The following MYRFL variants were observed in gnomAD, a reference collection of about 807,000 sequenced individuals.
MYRFL encodes the protein myelin regulatory factor like, also known as myelin regulatory factor-like protein.
A neutral mutation model predicts 109.4 loss-of-function variants in MYRFL; 88 were observed. That is an observed-to-expected ratio of 0.80 (90% CI 0.68 to 0.96). MYRFL has a LOEUF of 0.96. Ranked by LOEUF, MYRFL falls within the 40% of genes least tolerant of loss-of-function variation. The probability of loss-of-function intolerance (pLI) is 0.00; values close to 1 mark genes in which losing one functional copy is unlikely to be tolerated. For missense variants in MYRFL, 957 were observed against 954.9 expected, an observed-to-expected ratio of 1.00 and a Z score of -0.03; for synonymous variants, 324 against 320.9, an observed-to-expected ratio of 1.01 and a Z score of -0.10.
chr12:69,958,655 T>C lies in MYRFL; in HGVS notation c.*124T>C. Reference sequence around the variant, plus strand: ...ACATTTACGTTTATTGCTGAAGGACTTTTTCAGGCTTTAGCTTCCAACAGT... The same window carrying C: ...ACATTTACGTTTATTGCTGAAGGACCTTTTCAGGCTTTAGCTTCCAACAGT... On this transcript the variant is annotated 3_prime_UTR_variant, in exon 25 of 25. Transcript: ENST00000552032. 2.9e-6 allele frequency: 2 copies of C among 686,088 alleles called. No homozygotes were observed. The highest frequency in any genetic ancestry group is 5.6e-5 in the East Asian group (2 of 35,818). The allele number at this position is 686,088 out of a possible 1,614,324, so 42.5% of individuals were successfully genotyped here.
chr12:69,827,650 T>C (rs1005911392), intron 1 of MYRFL, among the ~76,000 whole-genome samples: 2 of 152,070 alleles, frequency 1.3e-5, no homozygotes, highest in African/African-American at 4.8e-5. Flanking sequence ...TAAAAATTGG[T>C]TACAACCTAA....
chr12:69,874,233 C>G (rs1470079483), intron 2 of MYRFL, among the ~76,000 whole-genome samples: 3 of 152,168 alleles, frequency 2.0e-5, no homozygotes, highest in Non-Finnish European at 4.4e-5. Context: ...GGCTAGGGAG[C>G]AGTGGCAACT....
At chr12:69,891,600 T>TTCTTTCTTTCTTTCCTCCTTC (rs3050183) in intron 7 of MYRFL, among the ~76,000 whole-genome samples, 65 of 134,790 alleles carry the variant, frequency 4.8e-4, no homozygotes, top group South Asian at 1.2e-3. Flanking sequence ...TTTCTTTCTT[T>TTCTTTCTTTCTTTCCTCCTTC]CTTTCTCTTT....
At chr12:69,861,275 G>C (rs1004700525) in intron 2 of MYRFL, among the ~76,000 whole-genome samples, 3 of 152,006 alleles carry the variant, frequency 2.0e-5, no homozygotes, top group African/African-American at 4.8e-5. Flanking sequence ...TAATGGGATG[G>C]CTGGGTCAAA....
At chr12:69,902,143 C>T (rs1022431064) in intron 10 of MYRFL, among the ~76,000 whole-genome samples, 43 of 152,106 alleles carry the variant, frequency 2.8e-4, no homozygotes, top group Non-Finnish European at 1.2e-4. Context: ...ATCCACACAC[C>T]TCAGCCTCCC....
intron 20 of MYRFL, 156 bp downstream of exon 20, chr12:69,952,331 C>G (rs1231991754): frequency 1.5e-6 from 1 of 657,692 alleles, no homozygotes; most frequent in Non-Finnish European, 2.7e-6. Context: ...CGATGCCACC[C>G]TAACCACTAA....
intron 1 of MYRFL, among the ~76,000 whole-genome samples, chr12:69,841,678 C>A (rs1016281450): frequency 2.0e-5 from 3 of 152,158 alleles, no homozygotes; most frequent in African/African-American, 4.8e-5. Flanking sequence ...GCCTTGTTGA[C>A]CCCCGCTCTT....
chr12:69,861,016 C>T (rs982147359), intron 2 of MYRFL, among the ~76,000 whole-genome samples: 3 of 148,016 alleles, frequency 2.0e-5, no homozygotes, highest in African/African-American at 5.0e-5. Flanking sequence ...TTTGTTCTTG[C>T]GATAGTTTAC....
intron 16 of MYRFL, among the ~76,000 whole-genome samples, chr12:69,934,815 C>T (rs1181181811): frequency 1.3e-5 from 2 of 152,112 alleles, no homozygotes; most frequent in Non-Finnish European, 2.9e-5. Flanking sequence ...AGGGGCACGG[C>T]AGGCCATAGG....
intron 1 of MYRFL, among the ~76,000 whole-genome samples, chr12:69,844,920 A>T (rs563252022): frequency 6.6e-6 from 1 of 152,210 alleles, no homozygotes; most frequent in East Asian, 1.9e-4. Flanking sequence ...TCGAAAACAT[A>T]AAGTATATGA....
intron 1 of MYRFL, among the ~76,000 whole-genome samples, chr12:69,842,608 C>T (rs1360508230): frequency 1.3e-5 from 2 of 152,132 alleles, no homozygotes; most frequent in East Asian, 3.9e-4. Context: ...ATGGTGTGGC[C>T]CTCAGTCTCT....
chr12:69,871,850 A>G (rs946221611), intron 2 of MYRFL, among the ~76,000 whole-genome samples: 1 of 152,210 alleles, frequency 6.6e-6, no homozygotes, highest in East Asian at 1.9e-4. Flanking sequence ...AAGAGCTGAA[A>G]ATTTTTCTCA....
At chr12:69,919,342 C>A (rs1357561511) in intron 13 of MYRFL, among the ~76,000 whole-genome samples, 1 of 152,158 alleles carries the variant, frequency 6.6e-6, no homozygotes, top group Non-Finnish European at 1.5e-5. Flanking sequence ...CAGAAAATTG[C>A]ACTTAAATGA....
At chr12:69,909,885 G>A (rs1180203557) in intron 11 of MYRFL, 84 bp from the exon 12 acceptor site, 2 of 929,738 alleles carry the variant, frequency 2.2e-6, no homozygotes, top group Admixed American at 3.3e-5. Context: ...AAGCAATTCA[G>A]TGATGTCTCT....
chr12:69,841,636 G>A (rs1023079376), intron 1 of MYRFL, among the ~76,000 whole-genome samples: 10 of 152,146 alleles, frequency 6.6e-5, no homozygotes, highest in African/African-American at 2.4e-4. Context: ...CAGCATTCAA[G>A]GCCCTAGGAT....
chr12:69,855,349 A>C lies in MYRFL; in HGVS notation c.116A>C (p.Asn39Thr), dbSNP rs1259083208. The change falls in exon 2 of 25, where the codon AAT (asparagine) becomes ACT (threonine). Residue 39 changes from asparagine to threonine, a missense_variant. Physicochemically the swap from Asn to Thr is moderately conservative, Grantham distance 65 (BLOSUM62 0). Transcript: ENST00000552032. Reference protein sequence around the residue: ...DTSLLEEFLGNDFDLGALQRQ... With the variant: ...DTSLLEEFLGTDFDLGALQRQ... ...AGTCTGTTGGAGGAATTTCTGGGCA[A>C]TGACTTTGATTTGGGGGCCTTGTAA... is the stretch of plus-strand genomic sequence containing the variant. 1.4e-6 allele frequency: 1 copy of C among 702,580 alleles called. No individual in the cohort carries two copies. Among genetic ancestry groups the C allele is most frequent in the African/African-American group, 1.7e-5 (1 of 57,244 alleles). 43.5% of individuals were successfully genotyped at this position (702,580 alleles called of 1,614,324 possible). A position where few individuals can be genotyped will look rare whatever the true frequency, so the allele number is the denominator to read the frequency against.
intron 10 of MYRFL, among the ~76,000 whole-genome samples, chr12:69,902,104 G>T (rs1954214926): frequency 6.6e-6 from 1 of 151,946 alleles, no homozygotes; most frequent in South Asian, 2.1e-4. Flanking sequence ...ATGTTGGCCA[G>T]GCTGGTCTTG....
chr12:69,901,132 T>C (rs1954169035), intron 10 of MYRFL, among the ~76,000 whole-genome samples: 1 of 152,200 alleles, frequency 6.6e-6, no homozygotes, highest in African/African-American at 2.4e-5. Context: ...TGTTATAACA[T>C]AGACTAGAAT....
intron 1 of MYRFL, among the ~76,000 whole-genome samples, chr12:69,838,201 A>G (rs1056185149): frequency 3.3e-5 from 5 of 152,182 alleles, no homozygotes; most frequent in African/African-American, 1.2e-4. Flanking sequence ...AACTTGTGCC[A>G]TGCAGTGTCA....
Sources: gnomAD v4.1 joint callset for allele counts (sites outside exome capture counted in the v4.1 genomes callset) on GRCh38, gnomAD v4.1.1 for gene constraint, MANE v1.5 for transcripts, NCBI Gene and HGNC (gene_info 2026-07-23, HGNC 2026-07-21) for gene names.